Variants in ABLIM3 observed in about 807,000 individuals in gnomAD.
The protein encoded by ABLIM3 is actin binding LIM protein family member 3, also known as actin-binding LIM protein 3.
Under a neutral mutation model 109.5 loss-of-function variants are expected in ABLIM3, and 61 were observed. The ratio of observed to expected loss-of-function variants is 0.56; its 90% CI spans 0.45 to 0.69. The LOEUF is 0.69. ABLIM3 is among the 30% of genes least tolerant of loss of function. The pLI, the probability that ABLIM3 is intolerant of heterozygous loss-of-function variation, is 0.00. For synonymous variants in ABLIM3, 300 were observed against 324.8 expected (o/e 0.92, Z 0.82); for missense variants, 796 against 889.5 (o/e 0.89, Z 1.34).
chr5:149,164,772 A>G (rs1581022133), intron 2 of ABLIM3, among the ~76,000 whole-genome samples: 3 of 152,232 alleles, frequency 2.0e-5, no homozygotes, highest in East Asian at 1.9e-4. Context: ...AGTATGTTGC[A>G]TATGAGATAG....
intron 8 of ABLIM3, among the ~76,000 whole-genome samples, chr5:149,227,491 C>T (rs371282226): frequency 6.6e-6 from 1 of 152,290 alleles, no homozygotes; most frequent in East Asian, 1.9e-4. Flanking sequence ...TTCTTTATCA[C>T]ATAACATTCC....
intron 10 of ABLIM3, among the ~76,000 whole-genome samples, chr5:149,236,900 G>A (rs966340284): frequency 4.6e-5 from 7 of 152,204 alleles, no homozygotes; most frequent in Admixed American, 6.5e-5. Flanking sequence ...CTATATAAGG[G>A]ACTTGGTACA....
At chr5:149,189,502 T>A (rs1757281395) in intron 3 of ABLIM3, among the ~76,000 whole-genome samples, 1 of 152,180 alleles carries the variant, frequency 6.6e-6, no homozygotes, top group Admixed American at 6.5e-5. Flanking sequence ...TTCTTACAAT[T>A]GCATAATAAG....
At chr5:149,245,700 C>T (rs1753282080) in intron 16 of ABLIM3, among the ~76,000 whole-genome samples, 1 of 151,986 alleles carries the variant, frequency 6.6e-6, no homozygotes, top group African/African-American at 2.4e-5. Flanking sequence ...TGGAAGGCTC[C>T]TGGTAAGGGG....
chr5:149,237,949 G>C (rs1194296491), intron 11 of ABLIM3, among the ~76,000 whole-genome samples: 1 of 152,128 alleles, frequency 6.6e-6, no homozygotes, highest in Non-Finnish European at 1.5e-5. Context: ...TATTACTCAA[G>C]CTGTTGTATT....
chr5:149,197,835 C>A (rs974292937), intron 3 of ABLIM3, among the ~76,000 whole-genome samples: 1 of 152,196 alleles, frequency 6.6e-6, no homozygotes, highest in African/African-American at 2.4e-5. Flanking sequence ...ACCACCAGTG[C>A]TTCTTAGTGT....
At chr5:149,171,961 A>G (rs1446574489) in intron 2 of ABLIM3, among the ~76,000 whole-genome samples, 5 of 147,300 alleles carry the variant, frequency 3.4e-5, no homozygotes, top group African/African-American at 1.3e-4. Flanking sequence ...TAGAGCAGCC[A>G]CTAGACACAT....
chr5:149,168,313 G>T (rs1561546457), intron 2 of ABLIM3, among the ~76,000 whole-genome samples: 1 of 152,200 alleles, frequency 6.6e-6, no homozygotes, highest in Non-Finnish European at 1.5e-5. Flanking sequence ...GTAATGAGTA[G>T]GCCAGGAAGG....
intron 2 of ABLIM3, among the ~76,000 whole-genome samples, chr5:149,183,097 T>C (rs968515146): frequency 6.6e-5 from 10 of 152,210 alleles, no homozygotes; most frequent in Admixed American, 2.6e-4. Context: ...TTGGACAAGT[T>C]TGGGGCCTAA....
At chr5:149,194,939 C>T (rs7724384) in intron 3 of ABLIM3, among the ~76,000 whole-genome samples, 56,139 of 151,974 alleles carry the variant, frequency 0.37, 10,634 homozygotes, top group East Asian at 0.66. Flanking sequence ...ACCATACATA[C>T]ATATTCTATA....
At chr5:149,161,890 C>CTGTG (rs368344944) in intron 2 of ABLIM3, among the ~76,000 whole-genome samples, 2 of 149,910 alleles carry the variant, frequency 1.3e-5, no homozygotes, top group African/African-American at 2.4e-5. Context: ...TATGCGTGGG[C>CTGTG]TGTGTGTGTG....
At position 149,241,267 on chromosome 5, in the gene ABLIM3, A is replaced by G. The variant is rs149112346; in HGVS notation, c.1303+493A>G. Among the ~76,000 whole-genome samples the G allele has an allele frequency of 2.3e-4, 35 of 152,336 alleles. No individual in the cohort carries two copies. The East Asian group carries it at 6.8e-3, about 29-fold the overall frequency. On this transcript the variant is annotated intron_variant, in intron 14 of 23. Transcript: ENST00000309868. ...TCAACCCAGCCCAGATCCTGCCTTC[A>G]TGGTATTTGGTATTTACGTACTAAT...
Position 149,255,950 on chromosome 5 carries a change from C to T in ABLIM3, c.1939-2341C>T, listed in dbSNP as rs115804397. 5.5e-3 allele frequency among the ~76,000 whole-genome samples: 845 copies of T among 152,288 alleles called. 11 individuals carry two copies. The highest frequency in any genetic ancestry group is 0.019 in the African/African-American group (802 of 41,542). ...TCATGGTGGAGACACTAGGATGCTC[C>T]CATTTTCCAGAAAAGGAAATTGAAG... is the stretch of plus-strand genomic sequence containing the variant. On this transcript the variant is annotated intron_variant, in intron 23 of 23. Coordinates refer to ENST00000309868, the MANE Select transcript of ABLIM3 (RefSeq NM_014945.5).
At chr5:149,181,449 T>C (rs17109730) in intron 2 of ABLIM3, among the ~76,000 whole-genome samples, 9,422 of 152,272 alleles carry the variant, frequency 0.062, 706 homozygotes, top group African/African-American at 0.18. Flanking sequence ...CTAGCTGATT[T>C]GTTTGATTTT....
At position 149,207,098 on chromosome 5, in the gene ABLIM3, C is replaced by A. The variant is rs776773825; in HGVS notation, c.539C>A (p.Thr180Asn). 6.2e-7 allele frequency: 1 copy of A among 1,614,040 alleles called. No individual in the cohort carries two copies. Among genetic ancestry groups the A allele is most frequent in the Non-Finnish European group, 8.5e-7 (1 of 1,179,966 alleles). Reference protein sequence around the residue: ...QWHVSCFKCQTCSVILTGEYI... With the variant: ...QWHVSCFKCQNCSVILTGEYI... Reference sequence around the variant, plus strand: ...CACGTCAGCTGCTTCAAGTGCCAGACCTGCAGCGTCATCCTCACCGGGGAG... The same window carrying A: ...CACGTCAGCTGCTTCAAGTGCCAGAACTGCAGCGTCATCCTCACCGGGGAG... The change falls in exon 6 of 24, where the codon ACC becomes AAC. Residue 180 changes from threonine to asparagine, a missense_variant. Transcript: ENST00000309868.
chr5:149,230,650 T>G lies in ABLIM3; in HGVS notation c.759T>G (p.Gly253=), dbSNP rs764734588. 4 of 1,613,804 alleles carry G rather than the reference T, an allele frequency of 2.5e-6. No homozygotes were observed. In the Admixed American group the frequency reaches 5.0e-5, roughly 20 times the overall value. The part of the protein sequence containing the change: ...FTEGEEMYLT[G]SEVWHPICKQ... ...TTCGTTATTTTCATGACCCCTTAGG[T>G]TCCGAGGTTTGGCACCCCATCTGCA... The change falls in exon 9 of 24, where the codon GGT becomes GGG. Residue 253 remains glycine (G), a splice_region_variant and synonymous_variant. Transcript: ENST00000309868.
rs549439522 is a variant in ABLIM3, at chr5:149,203,638, A to T, written c.448+3210A>T. 7.0e-3 allele frequency among the ~76,000 whole-genome samples: 1,063 copies of T among 151,928 alleles called. 13 individuals are homozygous for T. The highest frequency in any genetic ancestry group is 0.024 in the African/African-American group (1,002 of 41,430). On this transcript the variant is annotated intron_variant, in intron 5 of 23. Coordinates refer to ENST00000309868, the MANE Select transcript of ABLIM3 (RefSeq NM_014945.5). ...AACACAATCACCACCACCTTCGCCA[A>T]CGCTACCATAATCACCACTATTACC...
chr5:149,153,623 A>G (rs1437467715), intron 2 of ABLIM3, among the ~76,000 whole-genome samples: 1 of 152,228 alleles, frequency 6.6e-6, no homozygotes, highest in Non-Finnish European at 1.5e-5. Flanking sequence ...ATCAGCCCGT[A>G]TATTCCCAGA....
At chr5:149,162,357 C>T (rs1754451045) in intron 2 of ABLIM3, among the ~76,000 whole-genome samples, 1 of 152,154 alleles carries the variant, frequency 6.6e-6, no homozygotes, top group African/African-American at 2.4e-5. Context: ...CTAGTGTCCT[C>T]ATATACAATT....
Sources: allele counts gnomAD v4.1 joint callset (sites outside exome capture counted in the v4.1 genomes callset), GRCh38; gene constraint gnomAD v4.1.1; transcripts MANE v1.5; gene names NCBI Gene and HGNC (gene_info 2026-07-23, HGNC 2026-07-21).